Variants in FARP1 observed in about 807,000 individuals in gnomAD.
FARP1 encodes FERM, ARHGEF and pleckstrin domain-containing protein 1.
A neutral mutation model predicts 128.8 loss-of-function variants in FARP1; 52 were observed. The observed-to-expected ratio is 0.40, with a 90% CI of 0.32 to 0.51. The LOEUF (loss-of-function observed/expected upper bound fraction) is 0.51. FARP1 is among the 20% of genes least tolerant of loss of function. The pLI is 0.45. For missense variants in FARP1, 1,333 were observed against 1,367.9 expected, an observed-to-expected ratio of 0.97 and a Z score of 0.40; for synonymous variants, 580 against 551.8, an observed-to-expected ratio of 1.05 and a Z score of -0.72.
intron 2 of FARP1, among the ~76,000 whole-genome samples, chr13:98,311,785 T>C (rs1886470243): frequency 1.3e-5 from 2 of 152,156 alleles, no homozygotes; most frequent in Non-Finnish European, 2.9e-5. Context: ...ACCGTAATGA[T>C]GGGTTTGCCT....
chr13:98,332,077 A>G (rs979396671), intron 2 of FARP1, among the ~76,000 whole-genome samples: 23 of 152,090 alleles, frequency 1.5e-4, no homozygotes, highest in Admixed American at 1.4e-3. Flanking sequence ...GTGGTAAAAT[A>G]TACGTAACAT....
chr13:98,447,031 G>GTGTT, intron 26 of FARP1: 2 of 539,558 alleles, frequency 3.7e-6, no homozygotes, highest in Non-Finnish European at 6.6e-6. Context: ...ACCCTGCACG[G>GTGTT]TGTTGGCTGA....
chr13:98,270,404 A>G (rs1483761530), intron 2 of FARP1, among the ~76,000 whole-genome samples: 2 of 152,198 alleles, frequency 1.3e-5, no homozygotes, highest in Non-Finnish European at 2.9e-5. Context: ...TTATATGAAC[A>G]TGTAAGATTG....
At chr13:98,209,396 C>T (rs1420140109) in intron 1 of FARP1, among the ~76,000 whole-genome samples, 1 of 150,568 alleles carries the variant, frequency 6.6e-6, no homozygotes, top group Non-Finnish European at 1.5e-5. Context: ...CGTGTGGAGA[C>T]CTGGAGGCAG....
intron 2 of FARP1, among the ~76,000 whole-genome samples, chr13:98,327,458 T>A (rs539459595): frequency 2.6e-5 from 4 of 152,210 alleles, no homozygotes; most frequent in African/African-American, 7.2e-5. Flanking sequence ...AAGATAAGGC[T>A]TCATAACAAG....
At chr13:98,365,082 A>G (rs1433391675) in intron 3 of FARP1, among the ~76,000 whole-genome samples, 3 of 152,278 alleles carry the variant, frequency 2.0e-5, no homozygotes, top group Non-Finnish European at 4.4e-5. Context: ...AAATGAAATC[A>G]TTCATTAATA....
chr13:98,400,326 G>A (rs1251575670), intron 13 of FARP1: 1 of 152,186 alleles, frequency 6.6e-6, no homozygotes, highest in Admixed American at 6.5e-5. Flanking sequence ...ATTTGGTTTT[G>A]TTGTCAAGCA....
At chr13:98,435,283 C>T in intron 18 of FARP1, 1 of 220,086 alleles carries the variant, frequency 4.5e-6, no homozygotes, top group African/African-American at 2.3e-5. Flanking sequence ...AGTCTTCTTC[C>T]CCCGTGTCTT....
intron 1 of FARP1, among the ~76,000 whole-genome samples, chr13:98,151,660 CTTTTT>C (rs34250002): frequency 0.018 from 1,265 of 69,234 alleles, 69 homozygotes; most frequent in African/African-American, 0.053. Context: ...TATCTTCCAT[CTTTTT>C]TTTTTTTTTT....
At chr13:98,416,886 C>T (rs756252010) in intron 16 of FARP1, among the ~76,000 whole-genome samples, 5 of 152,128 alleles carry the variant, frequency 3.3e-5, no homozygotes, top group Admixed American at 6.5e-5. Flanking sequence ...AAGAGGCCCT[C>T]GGAATTGGCT....
At chr13:98,170,395 C>T (rs1251281267) in intron 1 of FARP1, among the ~76,000 whole-genome samples, 3 of 152,088 alleles carry the variant, frequency 2.0e-5, no homozygotes, top group African/African-American at 7.2e-5. Context: ...CTTGCTCTGT[C>T]ACCCAGGCTG....
At chr13:98,209,681 C>A (rs1379408138) in intron 1 of FARP1, among the ~76,000 whole-genome samples, 1 of 150,070 alleles carries the variant, frequency 6.7e-6, no homozygotes, top group Non-Finnish European at 1.5e-5. Context: ...CCTGTGATCC[C>A]AGCTACTCGG....
At chr13:98,307,242 G>A (rs1886206523) in intron 2 of FARP1, among the ~76,000 whole-genome samples, 2 of 152,240 alleles carry the variant, frequency 1.3e-5, no homozygotes, top group African/African-American at 2.4e-5. Flanking sequence ...TCAGAAGGCA[G>A]TTTGGGTTGA....
chr13:98,440,887 G>C (rs1361305135), intron 24 of FARP1, 51 bp downstream of exon 24: 3 of 1,527,204 alleles, frequency 2.0e-6, no homozygotes. Context: ...GGCCCAGGCA[G>C]AACCCAGGCA....
At chr13:98,145,287 G>T (rs1875441863) in intron 1 of FARP1, among the ~76,000 whole-genome samples, 1 of 152,100 alleles carries the variant, frequency 6.6e-6, no homozygotes, top group African/African-American at 2.4e-5. Context: ...CGTTACTTGG[G>T]GTGTGGTGTT....
intron 3 of FARP1, among the ~76,000 whole-genome samples, chr13:98,358,493 C>T (rs1214931721): frequency 6.6e-6 from 1 of 151,970 alleles, no homozygotes; most frequent in Non-Finnish European, 1.5e-5. Flanking sequence ...GTGAAAATCT[C>T]TAGAAAGTGA....
chr13:98,315,163 C>A (rs1211969231), intron 2 of FARP1, among the ~76,000 whole-genome samples: 3 of 152,128 alleles, frequency 2.0e-5, no homozygotes, highest in Non-Finnish European at 2.9e-5. Context: ...CAGGGTCTTG[C>A]CCTGTCACTC....
chr13:98,146,290 G>A (rs1027159356), intron 1 of FARP1, among the ~76,000 whole-genome samples: 10 of 152,014 alleles, frequency 6.6e-5, no homozygotes, highest in African/African-American at 2.2e-4. Context: ...GTGCAATGGC[G>A]CAATCTCGGC....
At chr13:98,186,613 A>C (rs1878888267) in intron 1 of FARP1, among the ~76,000 whole-genome samples, 1 of 152,124 alleles carries the variant, frequency 6.6e-6, no homozygotes, top group South Asian at 2.1e-4. Flanking sequence ...TTCTTTTTAA[A>C]GGCTGCGTAA....
Sources: allele counts gnomAD v4.1 joint callset (sites outside exome capture counted in the v4.1 genomes callset), GRCh38; gene constraint gnomAD v4.1.1; transcripts MANE v1.5; gene names NCBI Gene and HGNC (gene_info 2026-07-23, HGNC 2026-07-21).